The following ABCB5 variants were observed in gnomAD, a reference collection of about 807,000 sequenced individuals.
The protein encoded by ABCB5 is ATP binding cassette subfamily B member 5, also known as ATP-binding cassette sub-family B member 5.
In ABCB5, 155 loss-of-function variants were observed where a neutral mutation model predicts 144.2. The observed-to-expected ratio is 1.08, with a 90% CI of 0.94 to 1.23. The LOEUF is 1.23. Among genes scored for constraint, ABCB5 ranks in the 50% most tolerant of loss-of-function variants. The probability of loss-of-function intolerance (pLI) is 0.00; values close to 1 mark genes in which losing one functional copy is unlikely to be tolerated. For synonymous variants in ABCB5, 610 were observed against 528.6 expected, an observed-to-expected ratio of 1.15 and a Z score of -2.11; for missense variants, 1,830 against 1,520.8, an observed-to-expected ratio of 1.20 and a Z score of -3.38.
intron 14 of ABCB5, chr7:20,659,681 C>A: frequency 2.0e-6 from 2 of 987,330 alleles, no homozygotes; most frequent in Non-Finnish European, 2.4e-6. Context: ...ATATTTTATT[C>A]ATTTTTTATA....
At chr7:20,629,326 T>C (rs1562528152) in intron 4 of ABCB5, among the ~76,000 whole-genome samples, 1 of 152,216 alleles carries the variant, frequency 6.6e-6, no homozygotes, top group African/African-American at 2.4e-5. Context: ...TGACGTTACG[T>C]AGGAATCATC....
chr7:20,710,158 T>C (rs1288474447), intron 20 of ABCB5, among the ~76,000 whole-genome samples: 1 of 148,282 alleles, frequency 6.7e-6, no homozygotes, highest in Non-Finnish European at 1.5e-5. Flanking sequence ...GTGGATCACC[T>C]GAGGTCGGGA....
intron 23 of ABCB5, among the ~76,000 whole-genome samples, chr7:20,738,494 T>C (rs1782459249): frequency 6.6e-6 from 1 of 152,232 alleles, no homozygotes; most frequent in Non-Finnish European, 1.5e-5. Flanking sequence ...ATTTGCTCTC[T>C]AAATAATGTA....
chr7:20,633,226 C>T (rs118016248), intron 5 of ABCB5, among the ~76,000 whole-genome samples: 1,801 of 152,036 alleles, frequency 0.012, 49 homozygotes, highest in Non-Finnish European at 9.4e-3. Context: ...TAAGGATGTT[C>T]TGTTTTGTAA....
intron 23 of ABCB5, among the ~76,000 whole-genome samples, chr7:20,732,047 G>A (rs994342358): frequency 6.6e-6 from 1 of 152,168 alleles, no homozygotes; most frequent in Non-Finnish European, 1.5e-5. Context: ...TCCTTACCAT[G>A]ACCTGAAAGA....
chr7:20,727,151 A>T lies in ABCB5; in HGVS notation c.2726+11A>T, dbSNP rs750521243. The T allele has an allele frequency of 5.6e-6, 9 of 1,604,380 alleles. No homozygotes were observed. Among genetic ancestry groups the T allele is most frequent in the South Asian group, 1.1e-5 (1 of 90,012 alleles). On this transcript the variant is annotated intron_variant, in intron 22 of 27. Transcript: ENST00000404938. ...TCAGACTCAACACAGGTGATTATAG[A>T]TTCATACTGACTTCAAAAACTTAAT...
At chr7:20,698,304 T>A (rs754800914) in intron 16 of ABCB5, 103 bp from the exon 17 acceptor site, 2 of 980,466 alleles carry the variant, frequency 2.0e-6, no homozygotes, top group Non-Finnish European at 2.8e-6. Flanking sequence ...CTGTCTGTTA[T>A]GTTTGATGTT....
chr7:20,699,842 T>C lies in ABCB5; in HGVS notation c.2172T>C (p.Asp724=), dbSNP rs11772720. Residue 724 remains aspartate, a synonymous_variant, in exon 18 of 28, where the codon GAT becomes GAC. Coordinates refer to ENST00000404938, the MANE Select transcript of ABCB5 (RefSeq NM_001163941.2). Reference sequence around the variant, plus strand: ...CTTTTCAGATGTTTGGAAATAATGATAAAACCACATTAAAGCATGATGCAG... The same window carrying C: ...CTTTTCAGATGTTTGGAAATAATGACAAAACCACATTAAAGCATGATGCAG... ...AKIITMFGNN[D]KTTLKHDAEI... 26,756 of 1,606,602 alleles carry C rather than the reference T, an allele frequency of 0.017. 282 individuals carry two copies. Among genetic ancestry groups the C allele is most frequent in the Non-Finnish European group, 0.021 (24,282 of 1,175,970 alleles).
intron 19 of ABCB5, among the ~76,000 whole-genome samples, chr7:20,703,392 T>A (rs1031648023): frequency 6.6e-6 from 1 of 152,208 alleles, no homozygotes; most frequent in African/African-American, 2.4e-5. Context: ...GTAATCTCCA[T>A]AGGATGCTCT....
At chr7:20,755,068 G>T (rs1783045547) in intron 27 of ABCB5, among the ~76,000 whole-genome samples, 1 of 152,174 alleles carries the variant, frequency 6.6e-6, no homozygotes, top group Middle Eastern at 3.4e-3. Context: ...TCCTGCCTCA[G>T]CCTCCCAAAT....
chr7:20,688,988 G>A (rs1786110189), intron 16 of ABCB5, among the ~76,000 whole-genome samples: 1 of 151,286 alleles, frequency 6.6e-6, no homozygotes, highest in South Asian at 2.1e-4. Flanking sequence ...GAGGGGGGAG[G>A]GATAGCATTA....
At chr7:20,630,347 AC>A (rs1448630921) in intron 4 of ABCB5, among the ~76,000 whole-genome samples, 1 of 152,022 alleles carries the variant, frequency 6.6e-6, no homozygotes, top group African/African-American at 2.4e-5. Context: ...TCTAATTTAT[AC>A]CTAAATTATA....
chr7:20,626,473 G>T, intron 2 of ABCB5, 84 bp from the exon 3 acceptor site: 1 of 1,202,938 alleles, frequency 8.3e-7, no homozygotes, highest in South Asian at 1.5e-5. Flanking sequence ...GGTGATATCT[G>T]ACACTTCTGC....
chr7:20,709,241 T>C (rs2128045607), intron 20 of ABCB5, among the ~76,000 whole-genome samples: 1 of 150,768 alleles, frequency 6.6e-6, no homozygotes, highest in Non-Finnish European at 1.5e-5. Context: ...CTTTCTTTGC[T>C]TGGCCAATGA....
Position 20,746,950 on chromosome 7 carries a change from T to C in ABCB5, c.3429+1512T>C, listed in dbSNP as rs1445848242. Among the ~76,000 whole-genome samples, 177 of 152,286 alleles carry C rather than the reference T, an allele frequency of 1.2e-3. 2 individuals are homozygous for C. Among genetic ancestry groups the C allele is most frequent in the Non-Finnish European group, 1.8e-4 (12 of 68,012 alleles). On this transcript the variant is annotated intron_variant, in intron 26 of 27. Coordinates refer to ENST00000404938, the MANE Select transcript of ABCB5 (RefSeq NM_001163941.2). ...ACTAATAATCTAGAGCCCTGTTCTTTGGTGAAGGCCAATAGCCATCATACT... is the reference window on the plus strand; with the variant it reads ...ACTAATAATCTAGAGCCCTGTTCTTCGGTGAAGGCCAATAGCCATCATACT...
At chr7:20,648,709 T>C (rs1784489483) in intron 11 of ABCB5, among the ~76,000 whole-genome samples, 1 of 152,218 alleles carries the variant, frequency 6.6e-6, no homozygotes, top group Non-Finnish European at 1.5e-5. Context: ...GAAAAAGACA[T>C]GATTTTAAGT....
intron 3 of ABCB5, among the ~76,000 whole-genome samples, chr7:20,626,897 T>C (rs1783922464): frequency 7.0e-6 from 1 of 142,254 alleles, no homozygotes; most frequent in Non-Finnish European, 1.5e-5. Context: ...GTGTGTATCA[T>C]ACATAAATGT....
chr7:20,716,099 C>T lies in ABCB5; in HGVS notation c.2422-6917C>T, dbSNP rs141716427. Among the ~76,000 whole-genome samples the T allele has an allele frequency of 1.3e-3, 195 of 152,140 alleles. 1 individual carries two copies. The highest frequency in any genetic ancestry group is 4.5e-3 in the African/African-American group (187 of 41,504). On this transcript the variant is annotated intron_variant, in intron 20 of 27. Transcript: ENST00000404938. Reference sequence around the variant, plus strand: ...GGAATCAGGAACTATATTATGGTTACCTAATAGGAGATATCCAAACAGAAA... The same window carrying T: ...GGAATCAGGAACTATATTATGGTTATCTAATAGGAGATATCCAAACAGAAA...
In ABCB5 at chr7:20,681,637, G is replaced by C. The variant is rs140251822; in HGVS notation, c.1840G>C (p.Gly614Arg). The change falls in exon 15 of 28, where the codon GGT becomes CGT. Residue 614 changes from glycine to arginine, a missense_variant. Coordinates refer to ENST00000404938, the MANE Select transcript of ABCB5 (RefSeq NM_001163941.2). Reference sequence around the variant, plus strand: ...ACATGCTGAACTAATGGCAAAACGAGGTCTATATTATTCACTTGTGATGTC... The same window carrying C: ...ACATGCTGAACTAATGGCAAAACGACGTCTATATTATTCACTTGTGATGTC... ...GAHAELMAKR[G>R]LYYSLVMSQD... 1.5e-3 allele frequency: 2,384 copies of C among 1,614,030 alleles called. 5 individuals are homozygous for C. Among genetic ancestry groups the C allele is most frequent in the Non-Finnish European group, 1.8e-3 (2,091 of 1,179,998 alleles).
Sources: gnomAD v4.1 joint callset for allele counts (sites outside exome capture counted in the v4.1 genomes callset) on GRCh38, gnomAD v4.1.1 for gene constraint, MANE v1.5 for transcripts, NCBI Gene and HGNC (gene_info 2026-07-23, HGNC 2026-07-21) for gene names.